The following STK32A variants were observed in gnomAD, a reference collection of about 807,000 sequenced individuals.
STK32A encodes serine/threonine kinase 32A, also known as serine/threonine-protein kinase 32A.
Under a neutral mutation model 53.2 loss-of-function variants are expected in STK32A, and 41 were observed. The ratio of observed to expected loss-of-function variants is 0.77; its 90% CI spans 0.60 to 1.00. The LOEUF is 1.00. STK32A is among the 50% of genes least tolerant of loss of function. STK32A has a pLI of 0.00. For synonymous variants in STK32A, 166 were observed against 162.8 expected (o/e 1.02, Z -0.15); for missense variants, 458 against 485.8 (o/e 0.94, Z 0.54).
intron 4 of STK32A, among the ~76,000 whole-genome samples, chr5:147,314,406 G>A (rs2400292): frequency 3.3e-5 from 5 of 150,910 alleles, no homozygotes; most frequent in African/African-American, 1.2e-4. Context: ...GCTGAGGCAG[G>A]AGAATCACTT....
intron 4 of STK32A, among the ~76,000 whole-genome samples, chr5:147,290,222 T>G (rs976424470): frequency 1.3e-5 from 2 of 152,066 alleles, no homozygotes; most frequent in African/African-American, 4.8e-5. Flanking sequence ...GAACTGTGTG[T>G]GTGGTGTGTG....
intron 4 of STK32A, 58 bp from the exon 5 acceptor site, chr5:147,323,840 T>C (rs1316275055): frequency 6.9e-7 from 1 of 1,447,838 alleles, no homozygotes; most frequent in East Asian, 2.4e-5. Flanking sequence ...CATTTGTCTC[T>C]GAGACTCTTT....
At chr5:147,369,986 A>G (rs988753435) in intron 8 of STK32A, among the ~76,000 whole-genome samples, 1 of 152,142 alleles carries the variant, frequency 6.6e-6, no homozygotes, top group Admixed American at 6.6e-5. Context: ...GCTAATCCAC[A>G]GTTTTCTTTT....
intron 5 of STK32A, among the ~76,000 whole-genome samples, chr5:147,337,481 G>A (rs1755193182): frequency 2.0e-5 from 3 of 152,114 alleles, no homozygotes; most frequent in Admixed American, 2.0e-4. Flanking sequence ...GGGATTGGTT[G>A]TTTTGCTTTG....
chr5:147,397,796 A>T, the STK32A span: 4 of 1,613,952 alleles, frequency 2.5e-6, no homozygotes. Context: ...GATGACAACC[A>T]GAGGAGCCCC....
intron 4 of STK32A, among the ~76,000 whole-genome samples, chr5:147,317,393 T>C: frequency 7.2e-6 from 1 of 139,126 alleles, no homozygotes; most frequent in East Asian, 2.2e-4. Context: ...AGTGGTGTGA[T>C]CTCGGCTCAC....
At chr5:147,314,443 C>T (rs975415177) in intron 4 of STK32A, among the ~76,000 whole-genome samples, 3 of 139,970 alleles carry the variant, frequency 2.1e-5, no homozygotes, top group African/African-American at 5.5e-5. Flanking sequence ...GGTTGCAGGG[C>T]GTGGAGATTG....
chr5:147,355,745 TG>T (rs1315801626), intron 7 of STK32A, among the ~76,000 whole-genome samples: 2 of 149,518 alleles, frequency 1.3e-5, no homozygotes, highest in African/African-American at 4.9e-5. Context: ...AAATTATATA[TG>T]TATGTATGTG....
chr5:147,238,441 A>G (rs913037019), intron 1 of STK32A, among the ~76,000 whole-genome samples: 1 of 152,194 alleles, frequency 6.6e-6, no homozygotes, highest in African/African-American at 2.4e-5. Flanking sequence ...ACTGGGCCAA[A>G]GGCATTATCA....
rs1753479519 is a variant in STK32A, at chr5:147,239,628, T to C, written c.-7T>C. The C allele has an allele frequency of 1.9e-6, 3 of 1,605,506 alleles. No homozygotes were observed. The highest frequency in any genetic ancestry group is 2.6e-6 in the Non-Finnish European group (3 of 1,175,662). ...AATCGAGGATCCAGGTCTGGGCAGA[T>C]TCAACCATGGGAGCGAACACTTCAA... is the stretch of plus-strand genomic sequence containing the variant. On this transcript the variant is annotated 5_prime_UTR_variant, in exon 2 of 13. Coordinates refer to ENST00000397936, the MANE Select transcript of STK32A (RefSeq NM_001112724.2).
chr5:147,248,248 AT>A (rs1219643725), intron 2 of STK32A, among the ~76,000 whole-genome samples: 7 of 152,220 alleles, frequency 4.6e-5, no homozygotes, highest in Non-Finnish European at 7.4e-5. Context: ...TCTTGCAGAC[AT>A]TTCTTCATAT....
chr5:147,255,453 G>A (rs574404864), intron 2 of STK32A, among the ~76,000 whole-genome samples: 1 of 152,274 alleles, frequency 6.6e-6, no homozygotes, highest in East Asian at 1.9e-4. Flanking sequence ...ACGGCTGCGA[G>A]GGAAGTAAGA....
intron 10 of STK32A, 100 bp downstream of exon 10, chr5:147,373,394 G>C (rs900638223): frequency 2.0e-6 from 3 of 1,478,872 alleles, no homozygotes; most frequent in Non-Finnish European, 2.7e-6. Flanking sequence ...CACCAGTGTT[G>C]TTAAGAGAGC....
chr5:147,378,480 A>T (rs1757317283), intron 11 of STK32A, among the ~76,000 whole-genome samples: 1 of 152,110 alleles, frequency 6.6e-6, no homozygotes, highest in Admixed American at 6.6e-5. Context: ...AGAGCCATTC[A>T]CTGAAGGCAT....
intron 8 of STK32A, among the ~76,000 whole-genome samples, chr5:147,366,348 G>A (rs78355848): frequency 0.028 from 4,231 of 152,222 alleles, 198 homozygotes; most frequent in East Asian, 0.2. Flanking sequence ...ATCACTAAAT[G>A]AAGTTTTAAT....
intron 8 of STK32A, 124 bp downstream of exon 8, chr5:147,361,738 A>T (rs1756514455): frequency 2.7e-6 from 2 of 734,806 alleles, no homozygotes; most frequent in Non-Finnish European, 4.7e-6. Context: ...ATGCCATGTG[A>T]TGTTGATAAC....
intron 4 of STK32A, among the ~76,000 whole-genome samples, chr5:147,317,604 C>T (rs1342722241): frequency 2.0e-5 from 3 of 152,050 alleles, no homozygotes; most frequent in African/African-American, 4.8e-5. Flanking sequence ...GGATTGCAGG[C>T]GTGAGCCACT....
intron 4 of STK32A, among the ~76,000 whole-genome samples, chr5:147,296,357 G>A (rs1469352889): frequency 6.6e-6 from 1 of 151,866 alleles, no homozygotes; most frequent in Non-Finnish European, 1.5e-5. Flanking sequence ...TTTGACCTTT[G>A]ACTTGGAGTT....
intron 2 of STK32A, among the ~76,000 whole-genome samples, chr5:147,259,687 ATC>A (rs886502409): frequency 1.3e-5 from 2 of 151,428 alleles, no homozygotes; most frequent in Admixed American, 6.6e-5. Context: ...TACTACTTCT[ATC>A]TCTTTCTTTC....
Sources: gnomAD v4.1 joint callset for allele counts (sites outside exome capture counted in the v4.1 genomes callset) on GRCh38, gnomAD v4.1.1 for gene constraint, MANE v1.5 for transcripts, NCBI Gene and HGNC (gene_info 2026-07-23, HGNC 2026-07-21) for gene names.